The following GABPB1 variants were observed in gnomAD, a reference collection of about 807,000 sequenced individuals.
GABPB1 encodes the protein GA-binding protein subunit beta-1.
Under a neutral mutation model 45.9 loss-of-function variants are expected in GABPB1, and 15 were observed. The ratio of observed to expected loss-of-function variants is 0.33; its 90% CI spans 0.22 to 0.50. The LOEUF is 0.50. Among genes scored for constraint, GABPB1 ranks in the 20% least tolerant of loss-of-function variants. The pLI is 0.98. For missense variants in GABPB1, 252 were observed against 457.5 expected, an observed-to-expected ratio of 0.55 and a Z score of 4.10; for synonymous variants, 143 against 154.4, an observed-to-expected ratio of 0.93 and a Z score of 0.55.
intron 1 of GABPB1, among the ~76,000 whole-genome samples, chr15:50,327,625 C>T (rs890299210): frequency 3.3e-5 from 5 of 152,028 alleles, no homozygotes; most frequent in Admixed American, 1.3e-4. Context: ...ATGGGATGAC[C>T]GGGCGTGGTG....
intron 1 of GABPB1, among the ~76,000 whole-genome samples, chr15:50,327,918 G>A (rs772931494): frequency 2.6e-5 from 4 of 151,304 alleles, no homozygotes; most frequent in South Asian, 2.1e-4. Context: ...AAAAAGATGC[G>A]CCTACTCTTT....
At chr15:50,286,533 A>T (rs780476008) in intron 7 of GABPB1, among the ~76,000 whole-genome samples, 3 of 152,100 alleles carry the variant, frequency 2.0e-5, no homozygotes, top group Non-Finnish European at 2.9e-5. Flanking sequence ...ATTATGTATT[A>T]TCCTTATATT....
At chr15:50,354,308 C>T (rs1369652666) in intron 1 of GABPB1, 5 of 448,162 alleles carry the variant, frequency 1.1e-5, no homozygotes, top group South Asian at 4.7e-5. Flanking sequence ...GCTTCTCCCC[C>T]TCAGGACTCC....
chr15:50,345,928 G>A (rs2048559351), intron 1 of GABPB1, among the ~76,000 whole-genome samples: 1 of 151,994 alleles, frequency 6.6e-6, no homozygotes, highest in East Asian at 1.9e-4. Flanking sequence ...AGCCAGGATC[G>A]TCTCGATCTC....
At chr15:50,343,983 G>A (rs570045892) in intron 1 of GABPB1, among the ~76,000 whole-genome samples, 42 of 152,128 alleles carry the variant, frequency 2.8e-4, no homozygotes, top group African/African-American at 9.9e-4. Context: ...CTAACATCAC[G>A]TATTTGTTTA....
At chr15:50,341,798 AAACT>A (rs1192547371) in intron 1 of GABPB1, among the ~76,000 whole-genome samples, 1 of 152,190 alleles carries the variant, frequency 6.6e-6, no homozygotes, top group East Asian at 1.9e-4. Flanking sequence ...ACTAGAGGAA[AAACT>A]GACTGTTTTG....
At chr15:50,303,411 T>C (rs1421422758) in intron 3 of GABPB1, among the ~76,000 whole-genome samples, 1 of 151,802 alleles carries the variant, frequency 6.6e-6, no homozygotes, top group Non-Finnish European at 1.5e-5. Flanking sequence ...GGGCCGGACA[T>C]GGTGGCTCAC....
chr15:50,341,059 A>G (rs1180244185), intron 1 of GABPB1, among the ~76,000 whole-genome samples: 1 of 151,620 alleles, frequency 6.6e-6, no homozygotes, highest in Non-Finnish European at 1.5e-5. Flanking sequence ...AGTCTGTTTT[A>G]AATTTGTATA....
intron 1 of GABPB1, among the ~76,000 whole-genome samples, chr15:50,324,583 C>CG (rs2047685261): frequency 7.4e-6 from 1 of 135,550 alleles, no homozygotes; most frequent in African/African-American, 2.8e-5. Context: ...CTCACTCTGT[C>CG]GCCCAGGCTG....
chr15:50,303,199 C>G, intron 3 of GABPB1, 76 bp from the exon 4 acceptor site: 1 of 1,144,410 alleles, frequency 8.7e-7, no homozygotes, highest in East Asian at 2.4e-5. Context: ...ATTATTAGTT[C>G]TGTGCTTTAA....
intron 1 of GABPB1, among the ~76,000 whole-genome samples, chr15:50,339,967 G>A (rs1375863320): frequency 6.6e-6 from 1 of 152,078 alleles, no homozygotes; most frequent in Non-Finnish European, 1.5e-5. Flanking sequence ...TACACAGCTG[G>A]TCTCAATGTT....
At chr15:50,281,354 GGC>G (rs2045965532) in intron 8 of GABPB1, among the ~76,000 whole-genome samples, 1 of 151,490 alleles carries the variant, frequency 6.6e-6, no homozygotes, top group African/African-American at 2.4e-5. Flanking sequence ...TGGGACTATA[GGC>G]GCACGCCACC....
chr15:50,281,214 A>T (rs981216945), intron 8 of GABPB1, among the ~76,000 whole-genome samples: 4 of 151,568 alleles, frequency 2.6e-5, no homozygotes, highest in African/African-American at 9.7e-5. Flanking sequence ...TAACACTATA[A>T]TTTTTTTTTC....
chr15:50,337,642 T>C (rs2141145460), intron 1 of GABPB1, among the ~76,000 whole-genome samples: 1 of 152,050 alleles, frequency 6.6e-6, no homozygotes, highest in South Asian at 2.1e-4. Flanking sequence ...GGTGCGATCA[T>C]GTGGTCCCAG....
At chr15:50,326,579 T>C (rs1394615585) in intron 1 of GABPB1, among the ~76,000 whole-genome samples, 2 of 151,932 alleles carry the variant, frequency 1.3e-5, no homozygotes, top group Non-Finnish European at 2.9e-5. Context: ...GGAGAATCGC[T>C]AGAACCCGGA....
At chr15:50,339,456 G>T (rs2048270205) in intron 1 of GABPB1, among the ~76,000 whole-genome samples, 1 of 151,106 alleles carries the variant, frequency 6.6e-6, no homozygotes, top group Admixed American at 6.6e-5. Flanking sequence ...TCAAGACTGT[G>T]CCACTGCACT....
At chr15:50,314,643 T>C (rs2047251939) in intron 1 of GABPB1, 1 of 152,222 alleles carries the variant, frequency 6.6e-6, no homozygotes, top group South Asian at 2.1e-4. Context: ...CCATGGATAC[T>C]AGAGGTCCAG....
At position 50,275,764 on chromosome 15, in the gene GABPB1, A is replaced by C. The variant is rs1333886008; in HGVS notation, c.*2868T>G. 6.6e-6 allele frequency: 1 copy of C among 152,228 alleles called. No homozygotes were observed. The highest frequency in any genetic ancestry group is 2.4e-5 in the African/African-American group (1 of 41,464). The allele number at this position is 152,228 out of a possible 1,614,324, so 9.4% of individuals were successfully genotyped here. A position where few individuals can be genotyped will look rare whatever the true frequency, so the allele number is the denominator to read the frequency against. On this transcript the variant is annotated 3_prime_UTR_variant, in exon 9 of 9. Coordinates refer to ENST00000380877, the MANE Select transcript of GABPB1 (RefSeq NM_016654.5). ...GCCAACGAAAACAAATGACATCACA[A>C]GTCCTTTTGTGAAGTAATTAAGATA...
chr15:50,350,995 G>C (rs898122179), intron 1 of GABPB1: 1 of 152,056 alleles, frequency 6.6e-6, no homozygotes, highest in Non-Finnish European at 1.5e-5. Flanking sequence ...TCATGATCAA[G>C]GTCCTCGTTT....
Sources: allele counts gnomAD v4.1 joint callset (sites outside exome capture counted in the v4.1 genomes callset), GRCh38; gene constraint gnomAD v4.1.1; transcripts MANE v1.5; gene names NCBI Gene and HGNC (gene_info 2026-07-23, HGNC 2026-07-21).